Variants in ODAD2 observed in about 807,000 individuals in gnomAD.
ODAD2 encodes outer dynein arm-docking complex subunit 2.
In ODAD2, 89 loss-of-function variants were observed where a neutral mutation model predicts 106.8. The ratio of observed to expected loss-of-function variants is 0.83; its 90% CI spans 0.70 to 0.99. The LOEUF is 0.99. Among genes scored for constraint, ODAD2 ranks in the 50% least tolerant of loss-of-function variants. The pLI is 0.00. For synonymous variants in ODAD2, 404 were observed against 436.2 expected, an observed-to-expected ratio of 0.93 and a Z score of 0.92; for missense variants, 1,168 against 1,238.5, an observed-to-expected ratio of 0.94 and a Z score of 0.85.
At chr10:27,884,609 A>G (rs1476659122) in intron 17 of ODAD2, among the ~76,000 whole-genome samples, 1 of 152,142 alleles carries the variant, frequency 6.6e-6, no homozygotes, top group Non-Finnish European at 1.5e-5. Context: ...ACACCATGGC[A>G]GAGTCTAGAT....
intron 17 of ODAD2, among the ~76,000 whole-genome samples, chr10:27,884,285 A>G (rs1841931638): frequency 6.6e-6 from 1 of 152,200 alleles, no homozygotes. Flanking sequence ...TCATTCTCCT[A>G]TGGAAACATT....
At chr10:27,986,130 A>G (rs1034790413) in intron 3 of ODAD2, among the ~76,000 whole-genome samples, 2 of 152,154 alleles carry the variant, frequency 1.3e-5, no homozygotes, top group African/African-American at 4.8e-5. Context: ...AAGGCTGAGA[A>G]AAGGACTTCA....
At chr10:27,848,987 AGT>A (rs1426888582) in intron 19 of ODAD2, among the ~76,000 whole-genome samples, 5 of 152,238 alleles carry the variant, frequency 3.3e-5, no homozygotes, top group African/African-American at 1.2e-4. Context: ...TGTGGAAGAC[AGT>A]GTGGTGATTC....
chr10:27,985,840 A>G (rs1335874811), intron 3 of ODAD2, among the ~76,000 whole-genome samples: 1 of 151,460 alleles, frequency 6.6e-6, no homozygotes, highest in East Asian at 1.9e-4. Flanking sequence ...ATACCAATTC[A>G]TTATCAAGGC....
intron 12 of ODAD2, 133 bp from the exon 13 acceptor site, chr10:27,940,938 G>A (rs992601737): frequency 3.4e-5 from 32 of 944,556 alleles, no homozygotes; most frequent in Admixed American, 8.3e-5. Flanking sequence ...ATCACTTTTC[G>A]TACTCCATAG....
intron 19 of ODAD2, among the ~76,000 whole-genome samples, chr10:27,828,878 T>C (rs1235495797): frequency 1.3e-5 from 2 of 152,192 alleles, no homozygotes; most frequent in African/African-American, 4.8e-5. Context: ...ATATTAAAAA[T>C]GAATAATTAG....
intron 16 of ODAD2, among the ~76,000 whole-genome samples, chr10:27,908,996 A>G (rs1488801999): frequency 6.6e-6 from 1 of 152,232 alleles, no homozygotes; most frequent in Non-Finnish European, 1.5e-5. Context: ...CCATGCTGAG[A>G]GAAAACAGTT....
intron 17 of ODAD2, among the ~76,000 whole-genome samples, chr10:27,891,258 C>A (rs1842542341): frequency 6.6e-6 from 1 of 152,210 alleles, no homozygotes; most frequent in Non-Finnish European, 1.5e-5. Context: ...AAGCATGTAT[C>A]CCAACCTCAC....
intron 17 of ODAD2, among the ~76,000 whole-genome samples, chr10:27,862,888 C>T (rs1840156616): frequency 6.6e-6 from 1 of 151,924 alleles, no homozygotes; most frequent in South Asian, 2.1e-4. Context: ...AGGAGAGTCA[C>T]TGTGTTAGCT....
At chr10:27,941,730 A>T (rs771837765) in intron 12 of ODAD2, among the ~76,000 whole-genome samples, 3 of 151,818 alleles carry the variant, frequency 2.0e-5, no homozygotes, top group South Asian at 2.1e-4. Flanking sequence ...TAGAGCTGCA[A>T]TTGGCTGTCA....
At chr10:27,919,831 T>C (rs1844647171) in intron 16 of ODAD2, among the ~76,000 whole-genome samples, 1 of 152,142 alleles carries the variant, frequency 6.6e-6, no homozygotes, top group Non-Finnish European at 1.5e-5. Context: ...ATAACATGAG[T>C]AAACTTTCCT....
intron 17 of ODAD2, among the ~76,000 whole-genome samples, chr10:27,893,808 G>A (rs746380952): frequency 6.6e-6 from 1 of 152,108 alleles, no homozygotes; most frequent in East Asian, 1.9e-4. Context: ...GGATGCCCCA[G>A]CATATTCAAA....
At chr10:27,835,474 C>T (rs1265201796) in intron 19 of ODAD2, among the ~76,000 whole-genome samples, 1 of 152,172 alleles carries the variant, frequency 6.6e-6, no homozygotes, top group Admixed American at 6.5e-5. Flanking sequence ...TGTTCTCTCT[C>T]TCTCTGTACA....
chr10:27,859,301 C>T (rs1437814592), intron 19 of ODAD2, among the ~76,000 whole-genome samples: 1 of 152,030 alleles, frequency 6.6e-6, no homozygotes, highest in Non-Finnish European at 1.5e-5. Flanking sequence ...AGAAACTAAT[C>T]TGGCCTAATT....
chr10:27,867,474 CAG>C (rs1231492581), intron 17 of ODAD2, among the ~76,000 whole-genome samples: 1 of 152,082 alleles, frequency 6.6e-6, no homozygotes, highest in Non-Finnish European at 1.5e-5. Context: ...TTGAGCAACG[CAG>C]AGACACTGGG....
intron 19 of ODAD2, among the ~76,000 whole-genome samples, chr10:27,847,520 G>T (rs554549226): frequency 1.3e-5 from 2 of 152,220 alleles, no homozygotes; most frequent in South Asian, 2.1e-4. Flanking sequence ...ACAAGACAGG[G>T]ATGCCCTCTC....
In ODAD2 at chr10:27,995,019, T is replaced by C. The variant is rs1439441238; in HGVS notation, c.124A>G (p.Ile42Val). Reference sequence around the variant, plus strand: ...TTTGCCTCTTGAGGATGTTTATAGATAAAACTCTCCACAAACACAATAATT... The same window carrying C: ...TTTGCCTCTTGAGGATGTTTATAGACAAAACTCTCCACAAACACAATAATT... ...KEIIVFVESF[I>V]YKHPQEAKFV... Residue 42 changes from isoleucine to valine, a missense_variant, in exon 2 of 20, where the codon ATC becomes GTC. Coordinates refer to ENST00000305242, the MANE Select transcript of ODAD2 (RefSeq NM_018076.5). 4.3e-6 allele frequency: 7 copies of C among 1,614,186 alleles called. No homozygotes were observed. Among genetic ancestry groups the C allele is most frequent in the Middle Eastern group, 1.6e-4 (1 of 6,062 alleles).
chr10:27,867,983 C>G (rs1840572920), intron 17 of ODAD2, among the ~76,000 whole-genome samples: 1 of 151,634 alleles, frequency 6.6e-6, no homozygotes, highest in African/African-American at 2.4e-5. Context: ...AAAAAAGACT[C>G]CAGTCAATTT....
At chr10:27,827,379 C>CTATATATATATATATATATATATATA (rs10580710) in intron 19 of ODAD2, among the ~76,000 whole-genome samples, 1 of 132,472 alleles carries the variant, frequency 7.5e-6, no homozygotes, top group African/African-American at 3.0e-5. Context: ...CACACACACA[C>CTATATATATATATATATATATATATA]TATATATATA....
Sources: allele counts gnomAD v4.1 joint callset (sites outside exome capture counted in the v4.1 genomes callset), GRCh38; gene constraint gnomAD v4.1.1; transcripts MANE v1.5; gene names NCBI Gene and HGNC (gene_info 2026-07-23, HGNC 2026-07-21).